ZNF148: variants seen among roughly 807,000 people sequenced by gnomAD.
The protein encoded by ZNF148 is Beta-Enolase Repressor Factor-1.
Under a neutral mutation model 67.7 loss-of-function variants are expected in ZNF148, and 7 were observed. That is an observed-to-expected ratio of 0.10 (90% CI 0.06 to 0.19). The LOEUF is 0.19. Ranked by LOEUF, ZNF148 falls within the 10% of genes least tolerant of loss-of-function variation. The probability of loss-of-function intolerance (pLI) is 1.00; values close to 1 mark genes in which losing one functional copy is unlikely to be tolerated. For missense variants in ZNF148, 583 were observed against 947.1 expected (o/e 0.62, Z 5.05); for synonymous variants, 333 against 330.7 (o/e 1.01, Z -0.08).
At chr3:125,263,849 G>A (rs1376484060) in intron 7 of ZNF148, among the ~76,000 whole-genome samples, 1 of 152,208 alleles carries the variant, frequency 6.6e-6, no homozygotes, top group South Asian at 2.1e-4. Flanking sequence ...CAGGATAGGG[G>A]CTGGTCACCA....
chr3:125,322,698 T>TA (rs1940837483), intron 3 of ZNF148, among the ~76,000 whole-genome samples: 1 of 152,186 alleles, frequency 6.6e-6, no homozygotes, highest in African/African-American at 2.4e-5. Context: ...AATCTCAAGA[T>TA]AGTTTACACA....
At position 125,284,292 on chromosome 3, in the gene ZNF148, C is replaced by A. The variant is rs867490158; in HGVS notation, c.459+3811G>T. Among the ~76,000 whole-genome samples, 36 of 152,074 alleles carry A rather than the reference C, an allele frequency of 2.4e-4. 2 individuals are homozygous for A. The highest frequency in any genetic ancestry group is 2.1e-3 in the Admixed American group (32 of 15,262). On this transcript the variant is annotated intron_variant, in intron 5 of 8. Coordinates refer to ENST00000360647, the MANE Select transcript of ZNF148 (RefSeq NM_021964.3). ...ATACCAAAGTCCAGTAGTAATACCT[C>A]ATTTATTCAGAAACTTCTAGTGTCA...
chr3:125,280,885 T>C (rs1327419075), intron 5 of ZNF148, among the ~76,000 whole-genome samples: 1 of 151,494 alleles, frequency 6.6e-6, no homozygotes, highest in African/African-American at 2.4e-5. Context: ...GAATGGGAGC[T>C]AAGAAACTGT....
chr3:125,358,308 A>G lies in ZNF148; in HGVS notation c.-234+16794T>C, dbSNP rs961943425. Among the ~76,000 whole-genome samples the G allele has an allele frequency of 5.9e-5, 9 of 152,276 alleles. No individual in the cohort carries two copies. In the East Asian group the frequency reaches 1.5e-3, roughly 26 times the overall value. On this transcript the variant is annotated intron_variant, in intron 1 of 8. Coordinates refer to ENST00000360647, the MANE Select transcript of ZNF148 (RefSeq NM_021964.3). ...ACTCTGGGCAACAGAGCAAGATGCC[A>G]TCTCAAAAAAGAAAAAGAAAAAAAA... is the stretch of plus-strand genomic sequence containing the variant.
chr3:125,287,932 C>T (rs1938787536), intron 5 of ZNF148, among the ~76,000 whole-genome samples, 171 bp downstream of exon 5: 1 of 152,034 alleles, frequency 6.6e-6, no homozygotes, highest in African/African-American at 2.4e-5. Context: ...GAAAGAGAAG[C>T]AGAAAAATTG....
intron 7 of ZNF148, among the ~76,000 whole-genome samples, chr3:125,266,010 A>C (rs183742785): frequency 4.1e-4 from 62 of 152,332 alleles, no homozygotes; most frequent in Admixed American, 3.1e-3. Flanking sequence ...TCAATTCAAC[A>C]AGAAGACTTA....
chr3:125,286,108 T>A (rs1938642872), intron 5 of ZNF148, among the ~76,000 whole-genome samples: 1 of 152,154 alleles, frequency 6.6e-6, no homozygotes, highest in African/African-American at 2.4e-5. Flanking sequence ...CCAATCACTA[T>A]CACAAATGAT....
intron 1 of ZNF148, among the ~76,000 whole-genome samples, chr3:125,367,553 A>G (rs1179227837): frequency 6.6e-6 from 1 of 152,258 alleles, no homozygotes; most frequent in Admixed American, 6.5e-5. Flanking sequence ...TTGTAGAAAA[A>G]GGCAGGTTAT....
At chr3:125,253,206 C>T (rs1190514170) in intron 7 of ZNF148, among the ~76,000 whole-genome samples, 4 of 152,176 alleles carry the variant, frequency 2.6e-5, no homozygotes, top group Non-Finnish European at 5.9e-5. Flanking sequence ...AAGTCTTGCA[C>T]ATCAGGTCAG....
intron 7 of ZNF148, among the ~76,000 whole-genome samples, chr3:125,240,634 ACATGT>A (rs1269827664): frequency 6.6e-6 from 1 of 151,892 alleles, no homozygotes; most frequent in African/African-American, 2.4e-5. Flanking sequence ...GTGTGGTGGC[ACATGT>A]CTGTGGTCCC....
At chr3:125,236,005 C>T (rs1025060060) in intron 7 of ZNF148, among the ~76,000 whole-genome samples, 2 of 150,026 alleles carry the variant, frequency 1.3e-5, no homozygotes, top group Non-Finnish European at 3.0e-5. Flanking sequence ...ATGTAAATGA[C>T]GAGTTAATGG....
At chr3:125,247,753 C>T (rs1334696127) in intron 7 of ZNF148, among the ~76,000 whole-genome samples, 3 of 152,082 alleles carry the variant, frequency 2.0e-5, no homozygotes, top group East Asian at 3.9e-4. Flanking sequence ...GAAACTGTTT[C>T]GTGGCTTCCA....
chr3:125,319,411 G>A (rs1005357210), intron 3 of ZNF148, among the ~76,000 whole-genome samples: 1 of 152,132 alleles, frequency 6.6e-6, no homozygotes, highest in Non-Finnish European at 1.5e-5. Flanking sequence ...AAAGTTAACA[G>A]AAGCATTACA....
At chr3:125,335,764 T>C (rs1010433688) in intron 1 of ZNF148, among the ~76,000 whole-genome samples, 6 of 152,242 alleles carry the variant, frequency 3.9e-5, no homozygotes, top group African/African-American at 1.4e-4. Context: ...TTTTCAAATA[T>C]TTCACATTTC....
chr3:125,261,370 C>T (rs948445024), intron 7 of ZNF148, among the ~76,000 whole-genome samples: 23 of 152,092 alleles, frequency 1.5e-4, no homozygotes, highest in African/African-American at 5.6e-4. Context: ...TTCACTGTGG[C>T]TTTCTGTTGG....
intron 7 of ZNF148, among the ~76,000 whole-genome samples, chr3:125,247,498 G>A (rs1298159347): frequency 1.3e-5 from 2 of 151,868 alleles, no homozygotes; most frequent in African/African-American, 4.8e-5. Flanking sequence ...GTGCAGTGGC[G>A]CAACCTCAGC....
intron 1 of ZNF148, among the ~76,000 whole-genome samples, chr3:125,374,500 G>A (rs945517965): frequency 6.6e-6 from 1 of 151,742 alleles, no homozygotes; most frequent in Non-Finnish European, 1.5e-5. Context: ...TCTGCACAAT[G>A]AACACCCCCC....
chr3:125,271,930 C>G (rs1239335004), intron 7 of ZNF148, among the ~76,000 whole-genome samples: 2 of 152,150 alleles, frequency 1.3e-5, no homozygotes, highest in Admixed American at 6.5e-5. Flanking sequence ...ACTTGCTACC[C>G]TGTGTGTGTT....
chr3:125,303,870 C>G (rs1368897294), intron 4 of ZNF148, among the ~76,000 whole-genome samples: 1 of 151,840 alleles, frequency 6.6e-6, no homozygotes, highest in Admixed American at 6.6e-5. Flanking sequence ...GCATAAAGTA[C>G]TCAACATGGG....
Sources: gnomAD v4.1 joint callset for allele counts (sites outside exome capture counted in the v4.1 genomes callset) on GRCh38, gnomAD v4.1.1 for gene constraint, MANE v1.5 for transcripts, NCBI Gene and HGNC (gene_info 2026-07-23, HGNC 2026-07-21) for gene names.